Variants in ZNF710 observed in about 807,000 individuals in gnomAD.
ZNF710 encodes the protein zinc finger protein 710.
Under a neutral mutation model 50.6 loss-of-function variants are expected in ZNF710, and 13 were observed. The observed-to-expected ratio is 0.26, with a 90% CI of 0.17 to 0.41. The LOEUF (loss-of-function observed/expected upper bound fraction) is 0.41. ZNF710 is among the 10% of genes least tolerant of loss of function. The pLI is 1.00. For missense variants in ZNF710, 721 were observed against 936.6 expected (o/e 0.77, Z 3.01); for synonymous variants, 383 against 397.0 (o/e 0.96, Z 0.42).
rs150129498 is a variant in ZNF710, at chr15:90,046,217, C to T, written c.-28-20893C>T. On this transcript the variant is annotated intron_variant, in intron 1 of 4. Transcript: ENST00000268154. Reference sequence around the variant, plus strand: ...AAGCCATCAGGCCTGGAGGTGTGGCCGGCAGGACCCTCCCAAGGCAGAACC... The same window carrying T: ...AAGCCATCAGGCCTGGAGGTGTGGCTGGCAGGACCCTCCCAAGGCAGAACC... Among the ~76,000 whole-genome samples, 14 of 152,284 alleles carry T rather than the reference C, an allele frequency of 9.2e-5. No individual in the cohort carries two copies. The East Asian group carries it at 9.6e-4, about 10-fold the overall frequency.
intron 1 of ZNF710, among the ~76,000 whole-genome samples, chr15:90,013,602 A>G (rs1241637788): frequency 6.6e-6 from 1 of 152,204 alleles, no homozygotes; most frequent in East Asian, 1.9e-4. Context: ...AACCCACATA[A>G]GAGCCTGCCA....
chr15:90,031,025 A>AAAAAAC (rs1182606642), intron 1 of ZNF710, among the ~76,000 whole-genome samples: 1 of 150,260 alleles, frequency 6.7e-6, no homozygotes, highest in African/African-American at 2.5e-5. Flanking sequence ...TCTCAAAAAA[A>AAAAAAC]AAGAAAAAAA....
chr15:90,012,277 G>T, intron 1 of ZNF710, among the ~76,000 whole-genome samples: 1 of 141,786 alleles, frequency 7.1e-6, no homozygotes. Flanking sequence ...CTCTGTGGTT[G>T]TTTTGAGTGT....
At chr15:90,032,428 A>T (rs527484945) in intron 1 of ZNF710, among the ~76,000 whole-genome samples, 1 of 152,270 alleles carries the variant, frequency 6.6e-6, no homozygotes, top group Non-Finnish European at 1.5e-5. Flanking sequence ...GAGAGAGGAG[A>T]GGCAGATTGG....
chr15:90,023,722 G>A (rs1180007164), intron 1 of ZNF710, among the ~76,000 whole-genome samples: 1 of 152,084 alleles, frequency 6.6e-6, no homozygotes, highest in Non-Finnish European at 1.5e-5. Context: ...GCTTGACCAG[G>A]CATGGTGGCT....
chr15:90,045,372 G>A, intron 1 of ZNF710: 1 of 985,448 alleles, frequency 1.0e-6, no homozygotes, highest in African/African-American at 1.7e-5. Context: ...CCATGGAGAG[G>A]TTAGACAGTG....
intron 1 of ZNF710, among the ~76,000 whole-genome samples, chr15:90,056,152 G>A (rs1162304184): frequency 6.6e-6 from 1 of 151,002 alleles, no homozygotes; most frequent in Admixed American, 6.6e-5. Flanking sequence ...GTTCACACCT[G>A]TAATCCCAGC....
At chr15:90,004,436 G>C (rs1456015554) in intron 1 of ZNF710, among the ~76,000 whole-genome samples, 2 of 152,202 alleles carry the variant, frequency 1.3e-5, no homozygotes, top group Non-Finnish European at 2.9e-5. Context: ...TCATAATCTG[G>C]CTTGCTGACC....
At chr15:90,036,771 A>G (rs529807906) in intron 1 of ZNF710, among the ~76,000 whole-genome samples, 4 of 152,118 alleles carry the variant, frequency 2.6e-5, no homozygotes, top group Non-Finnish European at 5.9e-5. Context: ...CTTCAGCAAC[A>G]TGCATGGGAT....
intron 1 of ZNF710, among the ~76,000 whole-genome samples, chr15:90,001,966 TGAGAGAGAGAGAGAGAGAGAGA>T (rs745830369): frequency 1.0e-5 from 1 of 96,790 alleles, no homozygotes; most frequent in African/African-American, 4.2e-5. Context: ...AGCGCGCGAA[TGAGAGAGAGAGAGAGAGAGAGA>T]GAGAGAGAGG....
intron 1 of ZNF710, among the ~76,000 whole-genome samples, chr15:90,047,799 C>G (rs993253417): frequency 1.3e-5 from 2 of 152,072 alleles, no homozygotes; most frequent in Non-Finnish European, 2.9e-5. Flanking sequence ...GTTGGCCAGG[C>G]TGGTCTTGAA....
intron 1 of ZNF710, among the ~76,000 whole-genome samples, chr15:90,041,538 T>C (rs1018343673): frequency 6.6e-6 from 1 of 152,190 alleles, no homozygotes; most frequent in Admixed American, 6.5e-5. Flanking sequence ...GAAAATTTTG[T>C]TCACTTTAAT....
At chr15:90,021,153 C>T (rs1368815576) in intron 1 of ZNF710, among the ~76,000 whole-genome samples, 13 of 152,190 alleles carry the variant, frequency 8.5e-5, no homozygotes, top group Non-Finnish European at 1.0e-4. Context: ...GGAGCTCTCT[C>T]AACTGCGTCC....
chr15:90,046,494 G>A (rs985701260), intron 1 of ZNF710, among the ~76,000 whole-genome samples: 8 of 152,258 alleles, frequency 5.3e-5, no homozygotes, highest in East Asian at 3.9e-4. Flanking sequence ...GGAGGAGGGC[G>A]GAGGGACGAG....
rs1053936921 is a variant in ZNF710, at chr15:90,059,192, G to A, written c.-28-7918G>A. Among the ~76,000 whole-genome samples the A allele has an allele frequency of 6.6e-6, 1 of 152,338 alleles. No homozygotes were observed. Among genetic ancestry groups the A allele is most frequent in the South Asian group, 2.1e-4 (1 of 4,828 alleles). On this transcript the variant is annotated intron_variant, in intron 1 of 4. Coordinates refer to ENST00000268154, the MANE Select transcript of ZNF710 (RefSeq NM_198526.4). The surrounding 1 kb of genome is among the most constrained non-coding windows in gnomAD (Gnocchi z 4.1). ...GATGGGAAATTCACCCAGTTCGAGG[G>A]AAGGGCAGTCCTGGCAGGGGAATCA...
intron 1 of ZNF710, among the ~76,000 whole-genome samples, chr15:90,027,895 A>G (rs757777573): frequency 8.6e-5 from 13 of 152,042 alleles, no homozygotes; most frequent in Non-Finnish European, 1.9e-4. Context: ...CACAGACGAT[A>G]TAATTAGCAA....
chr15:90,016,092 T>C (rs942422096), intron 1 of ZNF710, among the ~76,000 whole-genome samples: 1 of 152,196 alleles, frequency 6.6e-6, no homozygotes, highest in East Asian at 1.9e-4. Context: ...GGGCTGACTT[T>C]TCATGGTGTA....
intron 1 of ZNF710, among the ~76,000 whole-genome samples, chr15:90,055,236 A>G (rs576589499): frequency 1.3e-5 from 2 of 152,328 alleles, no homozygotes; most frequent in East Asian, 3.9e-4. Flanking sequence ...AGACCTGGTC[A>G]GGGTGGGGCA....
intron 1 of ZNF710, among the ~76,000 whole-genome samples, chr15:90,020,499 G>A (rs1898583916): frequency 6.6e-6 from 1 of 151,962 alleles, no homozygotes; most frequent in Non-Finnish European, 1.5e-5. Flanking sequence ...CCCCCGGGGA[G>A]ACACAGCATG....
Sources: gnomAD v4.1 joint callset for allele counts (sites outside exome capture counted in the v4.1 genomes callset) on GRCh38, gnomAD v4.1.1 for gene constraint, Gnocchi (gnomAD v3.1) non-coding constraint, MANE v1.5 for transcripts, NCBI Gene and HGNC (gene_info 2026-07-23, HGNC 2026-07-21) for gene names.